Variants in KCNA2 observed in about 807,000 individuals in gnomAD.
The protein encoded by KCNA2 is potassium voltage-gated channel subfamily A member 2, also known as potassium channel, voltage gated shaker related subfamily A, member 2.
A neutral mutation model predicts 33.4 loss-of-function variants in KCNA2; 11 were observed. The observed-to-expected ratio is 0.33, with a 90% CI of 0.21 to 0.55. The LOEUF is 0.55. Ranked by LOEUF, KCNA2 falls within the 20% of genes least tolerant of loss-of-function variation. KCNA2 has a pLI of 0.93. For synonymous variants in KCNA2, 222 were observed against 231.3 expected, an observed-to-expected ratio of 0.96 and a Z score of 0.37; for missense variants, 291 against 621.6, an observed-to-expected ratio of 0.47 and a Z score of 5.66.
At chr1:110,612,576 C>A (rs923045180) in intron 1 of KCNA2, among the ~76,000 whole-genome samples, 1 of 152,212 alleles carries the variant, frequency 6.6e-6, no homozygotes, top group African/African-American at 2.4e-5. Context: ...AAGCCACCAG[C>A]AGGCACAGTC....
Position 110,597,904 on chromosome 1 carries a change from T to C in KCNA2, c.*5379A>G. The C allele has an allele frequency of 2.0e-6, 2 of 985,428 alleles. No homozygotes were observed. The highest frequency in any genetic ancestry group is 9.4e-5 in the South Asian group (2 of 21,284). The allele number at this position is 985,428 out of a possible 1,614,324, so 61.0% of individuals were successfully genotyped here. On this transcript the variant is annotated 3_prime_UTR_variant, in exon 3 of 3. Transcript: ENST00000316361. ...AAAAAGGAAAAGTAAACTAGGTTAG[T>C]TTGAGGAAGAGAACCTTCCTGCATG...
rs568731472 is a variant in KCNA2 at position 110,598,794 on chromosome 1, A to G, written c.*4489T>C. ...AAGAGAGCATGTCAAATATTACTGA[A>G]GTTTCAGAAAGCACAGAGCCTTAAT... On this transcript the variant is annotated 3_prime_UTR_variant, in exon 3 of 3. Coordinates refer to ENST00000316361, the MANE Select transcript of KCNA2 (RefSeq NM_004974.4). 1 of 985,364 alleles carries G rather than the reference A, an allele frequency of 1.0e-6. No individual in the cohort carries two copies. The highest frequency in any genetic ancestry group is 1.1e-4 in the East Asian group (1 of 8,810). The allele number at this position is 985,364 out of a possible 1,614,324, so 61.0% of individuals were successfully genotyped here.
At position 110,604,188 on chromosome 1, in the gene KCNA2, C is replaced by T; in HGVS notation, c.595G>A (p.Gly199Arg). The T allele has an allele frequency of 6.2e-7, 1 of 1,614,196 alleles. No individual in the cohort carries two copies. The highest frequency in any genetic ancestry group is 8.5e-7 in the Non-Finnish European group (1 of 1,180,038). The change falls in exon 3 of 3, where the codon GGG becomes AGG. Residue 199 changes from glycine to arginine, a missense_variant. This residue lies in a region of KCNA2 where 163 missense variants were observed against 273.5 expected (regional missense o/e 0.60). Transcript: ENST00000316361. The surrounding 1 kb of genome is among the most constrained non-coding windows in gnomAD (Gnocchi z 7.6). ...TTGGAATAGGTGTGGAAGGTCACCCCACTACCATGCATGTCTTCATTCTCA... is the reference window on the plus strand; with the variant it reads ...TTGGAATAGGTGTGGAAGGTCACCCTACTACCATGCATGTCTTCATTCTCA... ...RDENEDMHGS[G>R]VTFHTYSNST... is the part of the protein sequence containing the mutation.
At chr1:110,609,651 G>A (rs1011701046), upstream of KCNA2, among the ~76,000 whole-genome samples, 154 of 152,226 alleles carry the variant, frequency 1.0e-3, no homozygotes, top group Non-Finnish European at 1.6e-4. Context: ...GGCCTCAGGG[G>A]TATGTTGTCC....
chr1:110,614,728 A>G (rs1454011143), intron 1 of KCNA2, among the ~76,000 whole-genome samples: 1 of 152,226 alleles, frequency 6.6e-6, no homozygotes, highest in Non-Finnish European at 1.5e-5. Context: ...AGATGAATGC[A>G]TATACCTCCT....
chr1:110,631,331 T>G (rs1434211483), intron 1 of KCNA2: 1 of 152,392 alleles, frequency 6.6e-6, no homozygotes, highest in Non-Finnish European at 1.5e-5. Context: ...TTTGCTCACA[T>G]CATTCCCTGC....
At position 110,604,849 on chromosome 1, in the gene KCNA2, G is replaced by A. The variant is rs895398693; in HGVS notation, c.-67C>T. The stretch of plus-strand genomic sequence containing the variant: ...TGCCTGGTGGCAGGGAGCTCAGGGT[G>A]CTGCTACTGGCCCCAGGAAGCACAG... On this transcript the variant is annotated 5_prime_UTR_variant, in exon 3 of 3. Coordinates refer to ENST00000316361, the MANE Select transcript of KCNA2 (RefSeq NM_004974.4). The surrounding 1 kb of genome is among the most constrained non-coding windows in gnomAD (Gnocchi z 7.6). The A allele has an allele frequency of 2.8e-6, 4 of 1,437,864 alleles. No homozygotes were observed. Among genetic ancestry groups the A allele is most frequent in the South Asian group, 1.3e-5 (1 of 75,980 alleles). 89.1% of individuals were successfully genotyped at this position (1,437,864 alleles called of 1,614,324 possible).
upstream of KCNA2, among the ~76,000 whole-genome samples, chr1:110,610,964 G>T (rs777944312): frequency 8.6e-5 from 13 of 151,554 alleles, no homozygotes; most frequent in Non-Finnish European, 1.5e-4. Flanking sequence ...TTATAAAATA[G>T]GTAGGACACT....
At position 110,601,970 on chromosome 1, in the gene KCNA2, T is replaced by C. The variant is rs1297779910; in HGVS notation, c.*1313A>G. ...AATTTCTTTTCTATCACTAGCTAGG[T>C]AGAGGAACGCGTGAAAGAGAGATAC... On this transcript the variant is annotated 3_prime_UTR_variant, in exon 3 of 3. Coordinates refer to ENST00000316361, the MANE Select transcript of KCNA2 (RefSeq NM_004974.4). 1 of 1,524,130 alleles carries C rather than the reference T, an allele frequency of 6.6e-7. No individual in the cohort carries two copies. The highest frequency in any genetic ancestry group is 8.8e-7 in the Non-Finnish European group (1 of 1,130,934). 94.4% of individuals were successfully genotyped at this position (1,524,130 alleles called of 1,614,324 possible). A position where few individuals can be genotyped will look rare whatever the true frequency, so the allele number is the denominator to read the frequency against.
At chr1:110,606,375 T>C (rs1162143761), upstream of KCNA2, 6 of 152,290 alleles carry the variant, frequency 3.9e-5, no homozygotes, top group African/African-American at 1.4e-4. Context: ...TCCGCCTGCC[T>C]AGCTGCGAGG....
In KCNA2 at chr1:110,596,006, C is replaced by T; in HGVS notation, c.*7277G>A. ...GTGATGAGGTTATAGCCAACCAGGG[C>T]AGACAGAAGAAAGGCTAAAGCACCT... On this transcript the variant is annotated 3_prime_UTR_variant, in exon 3 of 3. Transcript: ENST00000316361. 1.0e-6 allele frequency: 1 copy of T among 985,456 alleles called. No individual in the cohort carries two copies. Among genetic ancestry groups the T allele is most frequent in the Non-Finnish European group, 1.2e-6 (1 of 829,942 alleles). 61.0% of individuals were successfully genotyped at this position (985,456 alleles called of 1,614,324 possible). A position where few individuals can be genotyped will look rare whatever the true frequency, so the allele number is the denominator to read the frequency against.
At chr1:110,625,764 A>G (rs1650372750) in intron 1 of KCNA2, among the ~76,000 whole-genome samples, 1 of 152,222 alleles carries the variant, frequency 6.6e-6, no homozygotes, top group Non-Finnish European at 1.5e-5. Context: ...GGTAAGCAAT[A>G]CAATAAAAGA....
rs192441211 is a variant in KCNA2 at position 110,594,209 on chromosome 1, C to T, written c.*9074G>A. ...CAGCTGAAGATTCATGCACAAGCAG[C>T]AAGGAAGCCAGTGCAAACCCTAACT... is the stretch of plus-strand genomic sequence containing the variant. On this transcript the variant is annotated 3_prime_UTR_variant, in exon 3 of 3. Coordinates refer to ENST00000316361, the MANE Select transcript of KCNA2 (RefSeq NM_004974.4). 6 of 1,155,320 alleles carry T rather than the reference C, an allele frequency of 5.2e-6. No homozygotes were observed. The highest frequency in any genetic ancestry group is 3.6e-4 in the Middle Eastern group (1 of 2,778). 71.6% of individuals were successfully genotyped at this position (1,155,320 alleles called of 1,614,324 possible). A position where few individuals can be genotyped will look rare whatever the true frequency, so the allele number is the denominator to read the frequency against.
upstream of KCNA2, among the ~76,000 whole-genome samples, chr1:110,607,004 G>A (rs1229146722): frequency 6.6e-6 from 1 of 151,690 alleles, no homozygotes; most frequent in African/African-American, 2.4e-5. Context: ...CCCGCGCCAC[G>A]CAAACCCCAG....
In KCNA2 at chr1:110,602,949, G is replaced by C; in HGVS notation, c.*334C>G. On this transcript the variant is annotated 3_prime_UTR_variant, in exon 3 of 3. Transcript: ENST00000316361. ...GGGGAGGGGAGTGCATCTCTTGGAT[G>C]TTGTGTGCATTTCATTAGGAAGGAA... 1 of 1,084,928 alleles carries C rather than the reference G, an allele frequency of 9.2e-7. No homozygotes were observed. 67.2% of individuals were successfully genotyped at this position (1,084,928 alleles called of 1,614,324 possible).
chr1:110,599,117 G>T lies in KCNA2; in HGVS notation c.*4166C>A. ...TGGGAGCTGCGACCATCACTGGAAG[G>T]GAGAGTGAGACACAACGGGATGGCT... On this transcript the variant is annotated 3_prime_UTR_variant, in exon 3 of 3. Transcript: ENST00000316361. 1.0e-6 allele frequency: 1 copy of T among 985,434 alleles called. No homozygotes were observed. The highest frequency in any genetic ancestry group is 1.7e-5 in the African/African-American group (1 of 57,350). The allele number at this position is 985,434 out of a possible 1,614,324, so 61.0% of individuals were successfully genotyped here.
Position 110,603,719 on chromosome 1 carries a change from T to C in KCNA2, c.1064A>G (p.Glu355Gly), listed in dbSNP as rs1229719081. The C allele has an allele frequency of 6.2e-7, 1 of 1,614,044 alleles. No homozygotes were observed. Residue 355 changes from glutamate (E) to glycine (G), a missense_variant, in exon 3 of 3, where the codon GAG becomes GGG. Glu to Gly is a moderately conservative substitution (Grantham distance 98). Transcript: ENST00000316361. This position sits in a 1 kb window ranked among gnomAD's most constrained non-coding sequence, Gnocchi z 5.7. ...ATCTGGGATGCTGGGGAACTGGGAC[T>C]CTCGCTCATCGGCCTCTGCAAAATA... ...AVYFAEADER[E>G]SQFPSIPDAF... is the part of the protein sequence containing the mutation.
intron 1 of KCNA2, among the ~76,000 whole-genome samples, chr1:110,615,482 C>G (rs1469188168): frequency 6.6e-6 from 1 of 152,164 alleles, no homozygotes; most frequent in Non-Finnish European, 1.5e-5. Flanking sequence ...TCCTAAGTCC[C>G]CTACTCCCAA....
In KCNA2 at chr1:110,598,800, A is replaced by G; in HGVS notation, c.*4483T>C. On this transcript the variant is annotated 3_prime_UTR_variant, in exon 3 of 3. Coordinates refer to ENST00000316361, the MANE Select transcript of KCNA2 (RefSeq NM_004974.4). ...GCATGTCAAATATTACTGAAGTTTC[A>G]GAAAGCACAGAGCCTTAATTATTTT... 2.0e-6 allele frequency: 2 copies of G among 985,374 alleles called. No individual in the cohort carries two copies. Among genetic ancestry groups the G allele is most frequent in the Non-Finnish European group, 2.4e-6 (2 of 829,882 alleles). 61.0% of individuals were successfully genotyped at this position (985,374 alleles called of 1,614,324 possible). A position where few individuals can be genotyped will look rare whatever the true frequency, so the allele number is the denominator to read the frequency against.
Sources: allele counts gnomAD v4.1 joint callset (sites outside exome capture counted in the v4.1 genomes callset), GRCh38; gene constraint gnomAD v4.1.1; regional missense constraint gnomAD v4.1.1; non-coding constraint Gnocchi (gnomAD v3.1); transcripts MANE v1.5; gene names NCBI Gene and HGNC (gene_info 2026-07-23, HGNC 2026-07-21).